The following MAP3K2 variants were observed in gnomAD, a reference collection of about 807,000 sequenced individuals.
MAP3K2 encodes the protein MAP/ERK kinase kinase 2.
A neutral mutation model predicts 80.3 loss-of-function variants in MAP3K2; 24 were observed. The observed-to-expected ratio is 0.30, with a 90% confidence interval of 0.22 to 0.42. The LOEUF (loss-of-function observed/expected upper bound fraction) is 0.42, where lower values mean the gene tolerates loss of function less well. Ranked by LOEUF, MAP3K2 falls within the 10% of genes least tolerant of loss-of-function variation. MAP3K2 has a pLI of 1.00. For synonymous variants in MAP3K2, 244 were observed against 253.7 expected, an observed-to-expected ratio of 0.96 and a Z score of 0.36; for missense variants, 608 against 750.1, an observed-to-expected ratio of 0.81 and a Z score of 2.21.
intron 1 of MAP3K2, among the ~76,000 whole-genome samples, chr2:127,350,793 CA>C (rs370022656): frequency 0.014 from 1,893 of 140,000 alleles, 44 homozygotes; most frequent in African/African-American, 0.046. Flanking sequence ...AGCCAGCAGA[CA>C]AAAAAAAAAG....
intron 1 of MAP3K2, among the ~76,000 whole-genome samples, chr2:127,386,601 G>A (rs1384474735): frequency 6.6e-6 from 1 of 152,146 alleles, no homozygotes; most frequent in African/African-American, 2.4e-5. Context: ...TTTATTTTTT[G>A]TGAGAGAATA....
At chr2:127,334,571 G>A (rs1008305981) in intron 5 of MAP3K2, among the ~76,000 whole-genome samples, 1 of 151,504 alleles carries the variant, frequency 6.6e-6, no homozygotes, top group African/African-American at 2.4e-5. Flanking sequence ...TCAGCCTCCC[G>A]AATAGCTGGG....
At chr2:127,312,691 G>A (rs997359529) in intron 15 of MAP3K2, among the ~76,000 whole-genome samples, 10 of 151,998 alleles carry the variant, frequency 6.6e-5, no homozygotes, top group African/African-American at 1.9e-4. Context: ...GGCCGGGCAC[G>A]GTAGCTCACG....
In MAP3K2 at chr2:127,304,665, A is replaced by C. The variant is rs1685661897; in HGVS notation, c.*2914T>G. On this transcript the variant is annotated 3_prime_UTR_variant, in exon 17 of 17. Coordinates refer to ENST00000682094, the MANE Select transcript of MAP3K2 (RefSeq NM_001371910.2). ...AGTTATCTTAAAAAGTTCAAATTGCATTTGTTGATCCATATCATTATTAGA... is the reference window on the plus strand; with the variant it reads ...AGTTATCTTAAAAAGTTCAAATTGCCTTTGTTGATCCATATCATTATTAGA... The C allele has an allele frequency of 1.3e-5, 2 of 152,582 alleles. No individual in the cohort carries two copies. The highest frequency in any genetic ancestry group is 4.1e-4 in the South Asian group (2 of 4,826). The allele number at this position is 152,582 out of a possible 1,614,324, so 9.5% of individuals were successfully genotyped here.
intron 5 of MAP3K2, 30 bp downstream of exon 5, chr2:127,335,840 A>C: frequency 8.1e-7 from 1 of 1,232,102 alleles, no homozygotes; most frequent in African/African-American, 1.5e-5. Context: ...TGAAGGTAAG[A>C]TCTACTAAAG....
chr2:127,300,540 A>G lies in MAP3K2; in HGVS notation c.*7039T>C, dbSNP rs560432969. 5 of 152,316 alleles carry G rather than the reference A, an allele frequency of 3.3e-5. No individual in the cohort carries two copies. In the East Asian group the frequency reaches 7.7e-4, roughly 23 times the overall value. The allele number at this position is 152,316 out of a possible 1,614,324, so 9.4% of individuals were successfully genotyped here. A position where few individuals can be genotyped will look rare whatever the true frequency, so the allele number is the denominator to read the frequency against. Reference sequence around the variant, plus strand: ...TTTACTTTTATTTACAATGAATAAAAAGAACCATGTGAAATGTAAGAGATG... The same window carrying G: ...TTTACTTTTATTTACAATGAATAAAGAGAACCATGTGAAATGTAAGAGATG... On this transcript the variant is annotated 3_prime_UTR_variant, in exon 17 of 17. Transcript: ENST00000682094.
chr2:127,302,241 T>C lies in MAP3K2; in HGVS notation c.*5338A>G, dbSNP rs1343506032. 1 of 152,156 alleles carries C rather than the reference T, an allele frequency of 6.6e-6. No homozygotes were observed. Among genetic ancestry groups the C allele is most frequent in the Non-Finnish European group, 1.5e-5 (1 of 68,024 alleles). The allele number at this position is 152,156 out of a possible 1,614,324, so 9.4% of individuals were successfully genotyped here. On this transcript the variant is annotated 3_prime_UTR_variant, in exon 17 of 17. Coordinates refer to ENST00000682094, the MANE Select transcript of MAP3K2 (RefSeq NM_001371910.2). ...TTTAGCAACCAAGAGTATGGCAATT[T>C]ACAATCAATATTATTATACAATCAT...
intron 1 of MAP3K2, chr2:127,378,219 T>C (rs956606315): frequency 3.4e-6 from 3 of 884,934 alleles, no homozygotes; most frequent in Non-Finnish European, 4.1e-6. Context: ...TTTTAAAAAC[T>C]TGAAAGAGCT....
chr2:127,319,908 A>C (rs1478578441), intron 12 of MAP3K2, among the ~76,000 whole-genome samples: 1 of 151,956 alleles, frequency 6.6e-6, no homozygotes, highest in East Asian at 1.9e-4. Flanking sequence ...AAACCAGCAC[A>C]AGGTAATTAG....
intron 1 of MAP3K2, among the ~76,000 whole-genome samples, chr2:127,363,733 C>T (rs1234497790): frequency 6.6e-6 from 1 of 152,142 alleles, no homozygotes; most frequent in Non-Finnish European, 1.5e-5. Context: ...GATAGAGTCT[C>T]ACTCTGTCAC....
chr2:127,374,780 A>G (rs1311008131), intron 1 of MAP3K2, among the ~76,000 whole-genome samples: 1 of 152,228 alleles, frequency 6.6e-6, no homozygotes, highest in East Asian at 1.9e-4. Context: ...ATTAAAACTG[A>G]TAATGGTCTG....
chr2:127,333,999 T>A (rs1471025550), intron 5 of MAP3K2, among the ~76,000 whole-genome samples: 1 of 152,114 alleles, frequency 6.6e-6, no homozygotes, highest in Admixed American at 6.5e-5. Context: ...CTCAGGAGGC[T>A]GACGTGGGAA....
Position 127,378,108 on chromosome 2 carries a change from T to A in MAP3K2, c.-66+9344A>T, listed in dbSNP as rs548035186. On this transcript the variant is annotated intron_variant, in intron 1 of 16. Coordinates refer to ENST00000682094, the MANE Select transcript of MAP3K2 (RefSeq NM_001371910.2). ...TTAAACCTAAGAAGCTTTACCAGAA[T>A]GCAAAGATACTGAGAGAAGATGACA... is the stretch of plus-strand genomic sequence containing the variant. 1.7e-5 allele frequency: 16 copies of A among 915,576 alleles called. No homozygotes were observed. The African/African-American group carries it at 2.9e-4, about 16-fold the overall frequency. The allele number at this position is 915,576 out of a possible 1,614,324, so 56.7% of individuals were successfully genotyped here. A position where few individuals can be genotyped will look rare whatever the true frequency, so the allele number is the denominator to read the frequency against.
At chr2:127,341,461 A>G (rs751014050) in intron 2 of MAP3K2, among the ~76,000 whole-genome samples, 2 of 149,684 alleles carry the variant, frequency 1.3e-5, no homozygotes, top group Non-Finnish European at 3.0e-5. Flanking sequence ...AAGAATTACT[A>G]CTGGGCACTT....
At chr2:127,344,717 A>G (rs1192833898) in intron 1 of MAP3K2, among the ~76,000 whole-genome samples, 3 of 152,204 alleles carry the variant, frequency 2.0e-5, no homozygotes, top group Non-Finnish European at 4.4e-5. Context: ...TAAGATGTAT[A>G]TGAAACATAA....
intron 1 of MAP3K2, among the ~76,000 whole-genome samples, chr2:127,354,969 G>A (rs184454114): frequency 5.9e-5 from 9 of 152,010 alleles, no homozygotes; most frequent in Non-Finnish European, 1.2e-4. Flanking sequence ...ATCAGACATC[G>A]GAGAAAAAGA....
In MAP3K2 at chr2:127,387,702, C is replaced by T. The variant is rs1419594833; in HGVS notation, c.-316G>A. The T allele has an allele frequency of 2.3e-5, 23 of 985,258 alleles. No homozygotes were observed. The highest frequency in any genetic ancestry group is 2.8e-5 in the Non-Finnish European group (23 of 829,964). The allele number at this position is 985,258 out of a possible 1,614,324, so 61.0% of individuals were successfully genotyped here. ...AATCCTCGCAGCCGGCCGGGTCCTC[C>T]TGGCGCTCCTCGGCACTTCTAGCCG... On this transcript the variant is annotated 5_prime_UTR_variant, in exon 1 of 17. Transcript: ENST00000682094.
chr2:127,377,044 G>C (rs996298376), intron 1 of MAP3K2, among the ~76,000 whole-genome samples: 1 of 151,458 alleles, frequency 6.6e-6, no homozygotes, highest in African/African-American at 2.4e-5. Context: ...CTGAATGATA[G>C]AGCGAGATCC....
rs561401832 is a variant in MAP3K2 at position 127,345,019 on chromosome 2, C to A, written c.-65-1825G>T. Among the ~76,000 whole-genome samples the A allele has an allele frequency of 1.8e-4, 27 of 152,218 alleles. 1 individual carries two copies. The South Asian group carries it at 5.6e-3, about 32-fold the overall frequency. On this transcript the variant is annotated intron_variant, in intron 1 of 16. Coordinates refer to ENST00000682094, the MANE Select transcript of MAP3K2 (RefSeq NM_001371910.2). ...AGATGGGACTACAGGTGCATGCTATCACACCCAGCTGATTTTTAAAAAAAG... is the reference window on the plus strand; with the variant it reads ...AGATGGGACTACAGGTGCATGCTATAACACCCAGCTGATTTTTAAAAAAAG...
Sources: allele counts gnomAD v4.1 joint callset (sites outside exome capture counted in the v4.1 genomes callset), GRCh38; gene constraint gnomAD v4.1.1; transcripts MANE v1.5; gene names NCBI Gene and HGNC (gene_info 2026-07-23, HGNC 2026-07-21).